The following SLCO6A1 variants were observed in gnomAD, a reference collection of about 807,000 sequenced individuals.
SLCO6A1 encodes cancer/testis antigen 48.
Under a neutral mutation model 72.7 loss-of-function variants are expected in SLCO6A1, and 65 were observed. That is an observed-to-expected ratio of 0.89 (90% CI 0.73 to 1.10). The LOEUF (loss-of-function observed/expected upper bound fraction) is 1.10. Ranked by LOEUF, SLCO6A1 falls within the 50% of genes least tolerant of loss-of-function variation. SLCO6A1 has a pLI of 0.00. For synonymous variants in SLCO6A1, 314 were observed against 298.2 expected (o/e 1.05, Z -0.55); for missense variants, 874 against 872.6 (o/e 1.00, Z -0.02).
At chr5:102,421,782 A>C (rs1580395146) in intron 7 of SLCO6A1, among the ~76,000 whole-genome samples, 2 of 152,196 alleles carry the variant, frequency 1.3e-5, no homozygotes, top group East Asian at 3.9e-4. Flanking sequence ...TAAGGGAATG[A>C]CTGCTTCCTC....
chr5:102,468,819 CTTGAG>C (rs1484214696), intron 4 of SLCO6A1, among the ~76,000 whole-genome samples: 1 of 152,082 alleles, frequency 6.6e-6, no homozygotes, highest in Non-Finnish European at 1.5e-5. Context: ...TTTAATCCAT[CTTGAG>C]TTAATTTTTG....
chr5:102,408,637 C>A (rs1007829021), intron 9 of SLCO6A1, among the ~76,000 whole-genome samples: 1 of 151,958 alleles, frequency 6.6e-6, no homozygotes, highest in Non-Finnish European at 1.5e-5. Context: ...AAGTTCCATA[C>A]CCAGTGAAAA....
chr5:102,419,980 C>G lies in SLCO6A1; in HGVS notation c.1318G>C (p.Gly440Arg). ...TCTAATGTGGAAACAATGACACCTC[C>G]CAGAAGCTGGCCAAGTGCACCTCCT... ...IPGGALGQLL[G>R]GVIVSTLEMS... The change falls in exon 8 of 14, where the codon GGA (glycine) becomes CGA (arginine). Residue 440 changes from glycine to arginine, a missense_variant. Physicochemically the swap from Gly to Arg is moderately radical, Grantham distance 125. Transcript: ENST00000506729. 6.3e-7 allele frequency: 1 copy of G among 1,587,248 alleles called. No homozygotes were observed. Among genetic ancestry groups the G allele is most frequent in the South Asian group, 1.2e-5 (1 of 85,074 alleles).
intron 4 of SLCO6A1, among the ~76,000 whole-genome samples, chr5:102,472,746 GA>G (rs200178496): frequency 0.054 from 8,170 of 151,738 alleles, 363 homozygotes; most frequent in Non-Finnish European, 0.073. Context: ...GAGAAATTAA[GA>G]AAAAAGAGAT....
At chr5:102,397,495 G>GGTTA (rs1048415509) in intron 10 of SLCO6A1, among the ~76,000 whole-genome samples, 2 of 152,106 alleles carry the variant, frequency 1.3e-5, no homozygotes, top group African/African-American at 4.8e-5. Context: ...TGCTTTCAGA[G>GGTTA]GTTATATGCA....
intron 5 of SLCO6A1, 97 bp downstream of exon 5, chr5:102,459,559 T>A (rs1750913207): frequency 7.5e-7 from 1 of 1,330,410 alleles, no homozygotes; most frequent in Admixed American, 2.8e-5. Flanking sequence ...GGCATACTCA[T>A]TTTATTAAAA....
At chr5:102,479,356 C>T (rs1212510370) in intron 2 of SLCO6A1, among the ~76,000 whole-genome samples, 2 of 152,140 alleles carry the variant, frequency 1.3e-5, no homozygotes, top group Non-Finnish European at 2.9e-5. Context: ...TCAATTAAAT[C>T]TTCTTTCTTT....
At position 102,408,937 on chromosome 5, in the gene SLCO6A1, C is replaced by T. The variant is rs533225668; in HGVS notation, c.1626+4053G>A. Among the ~76,000 whole-genome samples the T allele has an allele frequency of 2.1e-3, 316 of 152,166 alleles. 2 individuals are homozygous for T. Among genetic ancestry groups the T allele is most frequent in the African/African-American group, 7.2e-3 (300 of 41,548 alleles). ...AATCCTTTGGATGTGATTTACTTTC[C>T]TCTTCAGAGATAAATAGAATGAAGT... On this transcript the variant is annotated intron_variant, in intron 9 of 13. Transcript: ENST00000506729.
At chr5:102,463,962 T>C (rs1166488191) in intron 4 of SLCO6A1, among the ~76,000 whole-genome samples, 2 of 151,664 alleles carry the variant, frequency 1.3e-5, no homozygotes, top group Non-Finnish European at 2.9e-5. Flanking sequence ...CTGCGCATGT[T>C]CTCACTCATT....
intron 6 of SLCO6A1, among the ~76,000 whole-genome samples, chr5:102,454,707 A>T (rs1750609388): frequency 6.6e-6 from 1 of 151,948 alleles, no homozygotes; most frequent in East Asian, 1.9e-4. Flanking sequence ...AACAAAAAAA[A>T]CCTTAAAACA....
intron 7 of SLCO6A1, among the ~76,000 whole-genome samples, chr5:102,432,991 G>A (rs1247032001): frequency 6.6e-6 from 1 of 151,808 alleles, no homozygotes; most frequent in Admixed American, 6.6e-5. Flanking sequence ...TCTCTTTCAT[G>A]TTTTCTTTCT....
chr5:102,381,595 A>G lies in SLCO6A1; in HGVS notation c.2017+7093T>C, dbSNP rs138537480. On this transcript the variant is annotated intron_variant, in intron 12 of 13. Coordinates refer to ENST00000506729, the MANE Select transcript of SLCO6A1 (RefSeq NM_173488.5). ...CATTACCTTTGGATATACACCCAGT[A>G]GTGAGATTGCTGGATCATGTGGTAG... Among the ~76,000 whole-genome samples, 222 of 151,944 alleles carry G rather than the reference A, an allele frequency of 1.5e-3. 3 individuals are homozygous for G. The highest frequency in any genetic ancestry group is 9.2e-4 in the Non-Finnish European group (62 of 67,750).
chr5:102,378,859 G>A (rs1466011295), intron 12 of SLCO6A1, among the ~76,000 whole-genome samples: 2 of 152,022 alleles, frequency 1.3e-5, no homozygotes, highest in Non-Finnish European at 1.5e-5. Context: ...TTGGCTCACT[G>A]CAACCTCTGC....
intron 9 of SLCO6A1, among the ~76,000 whole-genome samples, chr5:102,400,591 C>G (rs1444396758): frequency 6.6e-6 from 1 of 151,746 alleles, no homozygotes; most frequent in Admixed American, 6.6e-5. Context: ...ATGCAGAGAC[C>G]AGTTCGCAAT....
intron 10 of SLCO6A1, among the ~76,000 whole-genome samples, chr5:102,392,276 C>T (rs1299645431): frequency 2.0e-5 from 3 of 151,946 alleles, no homozygotes; most frequent in East Asian, 1.9e-4. Flanking sequence ...CAAATGATAA[C>T]TAAATTTTTA....
chr5:102,375,748 A>T (rs1745748283), intron 12 of SLCO6A1, among the ~76,000 whole-genome samples: 1 of 152,196 alleles, frequency 6.6e-6, no homozygotes, highest in Non-Finnish European at 1.5e-5. Flanking sequence ...AAATAACTAG[A>T]AATTAAAAAA....
At chr5:102,448,320 T>C (rs1170321499) in intron 6 of SLCO6A1, among the ~76,000 whole-genome samples, 3 of 152,224 alleles carry the variant, frequency 2.0e-5, no homozygotes, top group Non-Finnish European at 4.4e-5. Context: ...GGATGTGCCA[T>C]GTGCAGATGA....
chr5:102,372,403 T>C (rs1750671928), intron 13 of SLCO6A1, among the ~76,000 whole-genome samples: 2 of 151,984 alleles, frequency 1.3e-5, no homozygotes, highest in South Asian at 4.1e-4. Flanking sequence ...AGAAACATTG[T>C]AGAGAACCTT....
intron 4 of SLCO6A1, among the ~76,000 whole-genome samples, chr5:102,474,787 T>C (rs990889994): frequency 2.0e-5 from 3 of 151,906 alleles, no homozygotes; most frequent in Non-Finnish European, 4.4e-5. Flanking sequence ...GGTATACAAA[T>C]GGTGAAGAAG....
Sources: gnomAD v4.1 joint callset for allele counts (sites outside exome capture counted in the v4.1 genomes callset) on GRCh38, gnomAD v4.1.1 for gene constraint, MANE v1.5 for transcripts, NCBI Gene and HGNC (gene_info 2026-07-23, HGNC 2026-07-21) for gene names.